DNAH6: variants seen among roughly 807,000 people sequenced by gnomAD.
DNAH6 encodes the protein dynein axonemal heavy chain 6.
A neutral mutation model predicts 491.4 loss-of-function variants in DNAH6; 340 were observed. That is an observed-to-expected ratio of 0.69 (90% CI 0.63 to 0.76). DNAH6 has a LOEUF of 0.76. DNAH6 is among the 30% of genes least tolerant of loss of function. The pLI, the probability that DNAH6 is intolerant of heterozygous loss-of-function variation, is 0.00. For missense variants in DNAH6, 4,443 were observed against 4,972.2 expected (o/e 0.89, Z 3.20); for synonymous variants, 1,603 against 1,686.1 (o/e 0.95, Z 1.21).
chr2:84,652,245 T>C (rs866250189), intron 33 of DNAH6, among the ~76,000 whole-genome samples: 2 of 152,080 alleles, frequency 1.3e-5, no homozygotes, highest in Admixed American at 1.3e-4. Context: ...CCTTTTATAT[T>C]AACATAAGTG....
rs1696924744 is a variant in DNAH6 at position 84,710,429 on chromosome 2, C to T, written c.9378+17C>T. ...CTGGAAGAGGTTTGATTTTCACTTCCTTTTCTCATGTCAGTTCCCAACTTT... is the reference window on the plus strand; with the variant it reads ...CTGGAAGAGGTTTGATTTTCACTTCTTTTTCTCATGTCAGTTCCCAACTTT... On this transcript the variant is annotated intron_variant, in intron 56 of 76. Coordinates refer to ENST00000389394, the MANE Select transcript of DNAH6 (RefSeq NM_001370.2). 2 of 1,551,056 alleles carry T rather than the reference C, an allele frequency of 1.3e-6. No individual in the cohort carries two copies. The highest frequency in any genetic ancestry group is 1.7e-6 in the Non-Finnish European group (2 of 1,146,580).
chr2:84,761,789 T>TACACACACACACACACACACACAC (rs35707461), intron 63 of DNAH6, among the ~76,000 whole-genome samples: 5 of 141,876 alleles, frequency 3.5e-5, no homozygotes, highest in African/African-American at 1.3e-4. Flanking sequence ...CACACACACA[T>TACACACACACACACACACACACAC]ACACACACAC....
intron 69 of DNAH6, 72 bp from the exon 70 acceptor site, chr2:84,797,465 A>G (rs1447555754): frequency 5.4e-6 from 8 of 1,469,500 alleles, no homozygotes; most frequent in Non-Finnish European, 7.3e-6. Context: ...CACCACACAA[A>G]GAAAAATCAA....
intron 23 of DNAH6, 27 bp from the exon 24 acceptor site, chr2:84,619,658 A>T: frequency 6.5e-7 from 1 of 1,533,232 alleles, no homozygotes; most frequent in Non-Finnish European, 8.8e-7. Flanking sequence ...ATTTCAAGTT[A>T]TATTTTAAGG....
At chr2:84,778,046 C>A in intron 64 of DNAH6, 1 of 1,005,614 alleles carries the variant, frequency 9.9e-7, no homozygotes, top group East Asian at 2.4e-5. Flanking sequence ...GAAAAGGCTG[C>A]CATGTTAGAG....
At chr2:84,767,023 A>C (rs1237978927) in intron 64 of DNAH6, among the ~76,000 whole-genome samples, 1 of 152,198 alleles carries the variant, frequency 6.6e-6, no homozygotes, top group East Asian at 1.9e-4. Flanking sequence ...GGGGGAACAG[A>C]AAATTTTAGC....
chr2:84,472,352 A>G, the DNAH6 span, among the ~76,000 whole-genome samples: 2 of 151,924 alleles, frequency 1.3e-5, no homozygotes, highest in African/African-American at 4.8e-5. Flanking sequence ...TATCCTGGCC[A>G]TTATCAGTTT....
chr2:84,520,372 G>C (rs746757985), intron 2 of DNAH6, among the ~76,000 whole-genome samples: 5 of 151,986 alleles, frequency 3.3e-5, no homozygotes, highest in Admixed American at 1.3e-4. Context: ...ATCTGCATAG[G>C]TGAAACTGCA....
chr2:84,551,874 G>A (rs1374707298), intron 9 of DNAH6, among the ~76,000 whole-genome samples: 5 of 151,980 alleles, frequency 3.3e-5, no homozygotes, highest in Middle Eastern at 3.4e-3. Flanking sequence ...TTGGTGAAAC[G>A]CCATCTCTAC....
intron 11 of DNAH6, among the ~76,000 whole-genome samples, chr2:84,570,254 A>C (rs145709612): frequency 2.0e-5 from 3 of 152,254 alleles, no homozygotes; most frequent in Non-Finnish European, 4.4e-5. Context: ...AGGTGAAGCC[A>C]GCTGGACTTC....
chr2:84,547,508 G>A lies in DNAH6; in HGVS notation c.1082G>A (p.Gly361Glu), dbSNP rs1185527123. The A allele has an allele frequency of 6.4e-7, 1 of 1,551,626 alleles. No individual in the cohort carries two copies. The highest frequency in any genetic ancestry group is 1.2e-5 in the South Asian group (1 of 84,054). The change falls in exon 7 of 77, where the codon GGA (glycine) becomes GAA (glutamate). Residue 361 changes from glycine to glutamate, a missense_variant. Gly to Glu is a moderately conservative substitution (Grantham distance 98, BLOSUM62 -2). Coordinates refer to ENST00000389394, the MANE Select transcript of DNAH6 (RefSeq NM_001370.2). ...AATATCTAGGTGACAGAACGCCTAG[G>A]AGAATTTCGAAATGAGGCAAAATAT... ...IRLAEVTERL[G>E]EFRNEAKYVV...
chr2:84,801,609 C>T (rs921075747), intron 70 of DNAH6, among the ~76,000 whole-genome samples: 14 of 152,258 alleles, frequency 9.2e-5, no homozygotes, highest in African/African-American at 2.2e-4. Flanking sequence ...CTGGGCCAGG[C>T]GCAGTGGCTC....
At chr2:84,603,246 C>G (rs1685435613) in intron 18 of DNAH6, among the ~76,000 whole-genome samples, 1 of 151,790 alleles carries the variant, frequency 6.6e-6, no homozygotes, top group African/African-American at 2.4e-5. Context: ...GCCTCTTCTT[C>G]TACTTGGATT....
intron 64 of DNAH6, among the ~76,000 whole-genome samples, chr2:84,763,500 C>T (rs1674784136): frequency 6.6e-6 from 1 of 151,910 alleles, no homozygotes; most frequent in Non-Finnish European, 1.5e-5. Context: ...AAGATGTCAT[C>T]CAGGTAGGTA....
chr2:84,593,926 A>T, intron 16 of DNAH6, 46 bp from the exon 17 acceptor site: 1 of 1,158,924 alleles, frequency 8.6e-7, no homozygotes, highest in East Asian at 2.6e-5. Flanking sequence ...TATGCTCATT[A>T]TATCTGAAAA....
chr2:84,473,382 T>C, the DNAH6 span, among the ~76,000 whole-genome samples: 3 of 152,222 alleles, frequency 2.0e-5, no homozygotes, highest in South Asian at 6.2e-4. Context: ...TTTAGTCGTA[T>C]TGAGAGGTAG....
intron 11 of DNAH6, among the ~76,000 whole-genome samples, chr2:84,567,250 A>C (rs531649354): frequency 2.6e-5 from 4 of 152,110 alleles, no homozygotes; most frequent in Admixed American, 6.6e-5. Flanking sequence ...GGAAACCAAA[A>C]CTAGGTAGAA....
the DNAH6 span, among the ~76,000 whole-genome samples, chr2:84,506,341 G>GT: frequency 6.3e-4 from 95 of 151,668 alleles, no homozygotes; most frequent in African/African-American, 2.2e-3. Context: ...TTTTTCGTGT[G>GT]TTTTTTGGCT....
At chr2:84,798,555 C>T (rs142768598) in intron 70 of DNAH6, among the ~76,000 whole-genome samples, 148 of 152,336 alleles carry the variant, frequency 9.7e-4, no homozygotes, top group African/African-American at 3.4e-3. Flanking sequence ...GTGGCTGCAG[C>T]TCCTGCTATC....
Sources: gnomAD v4.1 joint callset for allele counts (sites outside exome capture counted in the v4.1 genomes callset) on GRCh38, gnomAD v4.1.1 for gene constraint, MANE v1.5 for transcripts, NCBI Gene and HGNC (gene_info 2026-07-23, HGNC 2026-07-21) for gene names.